The following TCF20 variants were observed in gnomAD, a reference collection of about 807,000 sequenced individuals.
The protein encoded by TCF20 is SPRE-binding protein.
A neutral mutation model predicts 148.6 loss-of-function variants in TCF20; 3 were observed. The observed-to-expected ratio is 0.02, with a 90% CI of 0.01 to 0.05. The LOEUF (loss-of-function observed/expected upper bound fraction) is 0.05, where lower values mean the gene tolerates loss of function less well. Ranked by LOEUF, TCF20 falls within the 10% of genes least tolerant of loss-of-function variation. The pLI, the probability that TCF20 is intolerant of heterozygous loss-of-function variation, is 1.00. For synonymous variants in TCF20, 1,049 were observed against 909.5 expected, an observed-to-expected ratio of 1.15 and a Z score of -2.76; for missense variants, 2,350 against 2,429.3, an observed-to-expected ratio of 0.97 and a Z score of 0.69.
At chr22:42,179,196 G>A (rs527998079) in intron 3 of TCF20, among the ~76,000 whole-genome samples, 2 of 152,132 alleles carry the variant, frequency 1.3e-5, no homozygotes, top group Non-Finnish European at 2.9e-5. Context: ...GTTACCATAT[G>A]ATCCAGCAAT....
chr22:42,330,950 A>G (rs1927962968), intron 1 of TCF20, among the ~76,000 whole-genome samples: 1 of 151,988 alleles, frequency 6.6e-6, no homozygotes, highest in Admixed American at 6.5e-5. Flanking sequence ...GGCCCATCTC[A>G]TTCCCCTGGG....
chr22:42,179,993 GC>G (rs1238342846), intron 2 of TCF20, among the ~76,000 whole-genome samples: 1 of 152,118 alleles, frequency 6.6e-6, no homozygotes, highest in African/African-American at 2.4e-5. Context: ...GGGGTCCCCA[GC>G]CCTGCCTCTG....
At chr22:42,330,931 C>T (rs1480734032) in intron 1 of TCF20, among the ~76,000 whole-genome samples, 1 of 152,222 alleles carries the variant, frequency 6.6e-6, no homozygotes, top group Non-Finnish European at 1.5e-5. Flanking sequence ...AAGTCCCCCA[C>T]CCCTGAGTGG....
intron 1 of TCF20, among the ~76,000 whole-genome samples, chr22:42,231,745 C>T (rs373861133): frequency 5.9e-5 from 9 of 151,858 alleles, no homozygotes; most frequent in East Asian, 5.8e-4. Context: ...CTGGCTAATA[C>T]GGTGAAACCC....
chr22:42,301,166 C>T (rs955502636), intron 1 of TCF20, among the ~76,000 whole-genome samples: 20 of 152,136 alleles, frequency 1.3e-4, no homozygotes, highest in Admixed American at 6.5e-4. Flanking sequence ...TTCAGAAATG[C>T]GGAAGTTTAT....
chr22:42,302,716 T>C (rs1026927112), intron 1 of TCF20, among the ~76,000 whole-genome samples: 1 of 152,086 alleles, frequency 6.6e-6, no homozygotes, highest in African/African-American at 2.4e-5. Flanking sequence ...GCAGGACTTA[T>C]CCAGAACCCC....
chr22:42,192,328 G>C (rs1213718647), intron 2 of TCF20, among the ~76,000 whole-genome samples: 1 of 152,186 alleles, frequency 6.6e-6, no homozygotes, highest in Non-Finnish European at 1.5e-5. Flanking sequence ...CTCCAAAGCT[G>C]TTCCAAACAC....
chr22:42,289,960 C>A (rs925036989), intron 1 of TCF20, among the ~76,000 whole-genome samples: 6 of 152,216 alleles, frequency 3.9e-5, no homozygotes, highest in African/African-American at 1.4e-4. Context: ...TGCGTGCAGG[C>A]CGAACTCCCA....
chr22:42,242,225 A>G (rs865901419), intron 1 of TCF20, among the ~76,000 whole-genome samples: 1 of 139,566 alleles, frequency 7.2e-6, no homozygotes, highest in African/African-American at 2.7e-5. Flanking sequence ...AAAAAAAAAA[A>G]AACAGAAAAG....
At chr22:42,176,054 C>T (rs780401641) in intron 3 of TCF20, among the ~76,000 whole-genome samples, 16 of 152,128 alleles carry the variant, frequency 1.1e-4, no homozygotes, top group Non-Finnish European at 1.8e-4. Flanking sequence ...CCTCAGCCTC[C>T]GAAAGTGCTG....
intron 1 of TCF20, among the ~76,000 whole-genome samples, chr22:42,336,687 T>C (rs948872782): frequency 1.3e-5 from 2 of 152,014 alleles, no homozygotes; most frequent in Non-Finnish European, 2.9e-5. Context: ...CTATCCACCA[T>C]ACTCCAGCCA....
chr22:42,287,642 C>T (rs1021560883), upstream of TCF20, among the ~76,000 whole-genome samples: 7 of 152,188 alleles, frequency 4.6e-5, no homozygotes, highest in Non-Finnish European at 8.8e-5. Flanking sequence ...TGCCACCTTG[C>T]ACTGTGCCCA....
chr22:42,302,664 AGAAG>A (rs534195098), intron 1 of TCF20, among the ~76,000 whole-genome samples: 7 of 152,232 alleles, frequency 4.6e-5, no homozygotes, highest in Admixed American at 2.6e-4. Flanking sequence ...GAGGAAAGAA[AGAAG>A]GAAGAACAGA....
At chr22:42,341,074 G>A (rs1347480614) in intron 1 of TCF20, among the ~76,000 whole-genome samples, 2 of 152,192 alleles carry the variant, frequency 1.3e-5, no homozygotes, top group African/African-American at 4.8e-5. Context: ...GCTGCCAGGA[G>A]CAGAGGCCGG....
At chr22:42,229,412 A>G (rs1923199577) in intron 1 of TCF20, among the ~76,000 whole-genome samples, 1 of 152,208 alleles carries the variant, frequency 6.6e-6, no homozygotes, top group Admixed American at 6.5e-5. Flanking sequence ...CATAAACAGC[A>G]AATATCCAAT....
upstream of TCF20, among the ~76,000 whole-genome samples, chr22:42,284,151 C>T (rs778315922): frequency 2.6e-5 from 4 of 152,092 alleles, no homozygotes; most frequent in African/African-American, 7.2e-5. Context: ...GAGGGGAGCA[C>T]CCGATCCCCC....
intron 1 of TCF20, among the ~76,000 whole-genome samples, chr22:42,265,328 G>A (rs1926227593): frequency 1.3e-5 from 2 of 151,460 alleles, no homozygotes; most frequent in African/African-American, 4.9e-5. Flanking sequence ...TTCTTTTTTT[G>A]GACAGGATCT....
At chr22:42,291,318 C>A (rs1029183999) in intron 1 of TCF20, among the ~76,000 whole-genome samples, 5 of 152,184 alleles carry the variant, frequency 3.3e-5, no homozygotes, top group African/African-American at 1.2e-4. Flanking sequence ...GGGCCCTCCC[C>A]ACAGCCTTGG....
intron 1 of TCF20, among the ~76,000 whole-genome samples, chr22:42,235,327 C>G (rs1404683739): frequency 6.6e-6 from 1 of 152,118 alleles, no homozygotes; most frequent in Non-Finnish European, 1.5e-5. Flanking sequence ...AACCATAAAA[C>G]TTTCCTCCTC....
Sources: allele counts gnomAD v4.1 joint callset (sites outside exome capture counted in the v4.1 genomes callset), GRCh38; gene constraint gnomAD v4.1.1; transcripts MANE v1.5; gene names NCBI Gene and HGNC (gene_info 2026-07-23, HGNC 2026-07-21).